MACROD2: variants seen among roughly 807,000 people sequenced by gnomAD.
The protein encoded by MACROD2 is ADP-ribose glycohydrolase MACROD2.
In MACROD2, 36 loss-of-function variants were observed where a neutral mutation model predicts 70.4. The observed-to-expected ratio is 0.51, with a 90% CI of 0.39 to 0.68. The LOEUF (loss-of-function observed/expected upper bound fraction) is 0.68. Ranked by LOEUF, MACROD2 falls within the 30% of genes least tolerant of loss-of-function variation. The probability of loss-of-function intolerance (pLI) is 0.00; values close to 1 mark genes in which losing one functional copy is unlikely to be tolerated. For missense variants in MACROD2, 496 were observed against 538.4 expected, an observed-to-expected ratio of 0.92 and a Z score of 0.78; for synonymous variants, 172 against 178.8, an observed-to-expected ratio of 0.96 and a Z score of 0.30.
intron 8 of MACROD2, among the ~76,000 whole-genome samples, chr20:15,859,428 A>G (rs2064394811): frequency 6.6e-6 from 1 of 152,188 alleles, no homozygotes; most frequent in South Asian, 2.1e-4. Context: ...CACTGTAAGA[A>G]GAGCTGTGGG....
chr20:15,649,780 A>T (rs760888294), intron 8 of MACROD2, among the ~76,000 whole-genome samples: 1 of 152,288 alleles, frequency 6.6e-6, no homozygotes, highest in African/African-American at 2.4e-5. Flanking sequence ...CTTGGAAAAA[A>T]ATCTGGGTGT....
intron 5 of MACROD2, among the ~76,000 whole-genome samples, chr20:14,952,169 G>A (rs1367066401): frequency 6.6e-6 from 1 of 152,114 alleles, no homozygotes; most frequent in Non-Finnish European, 1.5e-5. Flanking sequence ...CATGGAATTT[G>A]CATGATTTTG....
intron 3 of MACROD2, among the ~76,000 whole-genome samples, chr20:14,435,063 G>A (rs1450189801): frequency 1.3e-5 from 2 of 152,116 alleles, no homozygotes; most frequent in Non-Finnish European, 2.9e-5. Context: ...TGCAGAACTT[G>A]ATTCTCTCAA....
At chr20:14,183,663 A>G (rs546773872) in intron 3 of MACROD2, among the ~76,000 whole-genome samples, 1 of 152,266 alleles carries the variant, frequency 6.6e-6, no homozygotes, top group African/African-American at 2.4e-5. Flanking sequence ...TACAGTGTAT[A>G]AGCATTCCTT....
intron 5 of MACROD2, among the ~76,000 whole-genome samples, chr20:14,720,934 G>A (rs899158743): frequency 7.2e-5 from 11 of 152,004 alleles, no homozygotes; most frequent in African/African-American, 2.2e-4. Flanking sequence ...TAGATAAAAA[G>A]TATGTTGAAG....
intron 5 of MACROD2, among the ~76,000 whole-genome samples, chr20:15,137,528 G>A (rs2076158796): frequency 7.6e-6 from 1 of 131,940 alleles, no homozygotes. Context: ...ATGGACACAG[G>A]AAAGGGAACA....
chr20:15,891,509 G>C (rs2064889513), intron 10 of MACROD2, among the ~76,000 whole-genome samples: 3 of 152,302 alleles, frequency 2.0e-5, no homozygotes, highest in Middle Eastern at 6.8e-3. Context: ...GTAAAGAGTA[G>C]AAGCAGGGAG....
Position 15,487,234 on chromosome 20 carries a change from A to C in MACROD2, c.572-12540A>C, listed in dbSNP as rs187551056. Among the ~76,000 whole-genome samples the C allele has an allele frequency of 9.2e-5, 14 of 152,296 alleles. No homozygotes were observed. The East Asian group carries it at 2.5e-3, about 27-fold the overall frequency. On this transcript the variant is annotated intron_variant, in intron 7 of 17. Coordinates refer to ENST00000684519, the MANE Select transcript of MACROD2 (RefSeq NM_001351661.2). ...CAAAGATAAGCGAAGAATTGGGAAC[A>C]CTTATCTAATCCAGCACTCTCAGAA...
intron 5 of MACROD2, among the ~76,000 whole-genome samples, chr20:15,060,361 C>G (rs918394304): frequency 3.9e-5 from 6 of 152,174 alleles, no homozygotes; most frequent in African/African-American, 1.2e-4. Flanking sequence ...ATCTTACTCT[C>G]CTCCACCCTG....
At chr20:15,435,392 AACAC>A (rs1356743411) in intron 7 of MACROD2, among the ~76,000 whole-genome samples, 1 of 152,148 alleles carries the variant, frequency 6.6e-6, no homozygotes, top group Admixed American at 6.5e-5. Flanking sequence ...TAATAATTTA[AACAC>A]ACACACAAAA....
chr20:14,181,386 A>G (rs2081303867), intron 3 of MACROD2, among the ~76,000 whole-genome samples: 1 of 151,934 alleles, frequency 6.6e-6, no homozygotes, highest in Admixed American at 6.6e-5. Flanking sequence ...TTTCTTGACT[A>G]TATTATCCTC....
At chr20:14,447,961 T>G (rs2084201056) in intron 3 of MACROD2, among the ~76,000 whole-genome samples, 1 of 137,430 alleles carries the variant, frequency 7.3e-6, no homozygotes, top group Non-Finnish European at 1.6e-5. Flanking sequence ...GAAGAGCACT[T>G]GAGAACCCAT....
intron 9 of MACROD2, among the ~76,000 whole-genome samples, chr20:15,869,226 TATATATATATATAG>T (rs2064539877): frequency 2.0e-5 from 1 of 49,362 alleles, no homozygotes; most frequent in African/African-American, 5.6e-5. Flanking sequence ...TATATATATA[TATATATATATATAG>T]AGAGAGAGAG....
intron 3 of MACROD2, among the ~76,000 whole-genome samples, chr20:14,373,335 A>G (rs1244681390): frequency 1.3e-5 from 2 of 152,188 alleles, no homozygotes; most frequent in Non-Finnish European, 2.9e-5. Flanking sequence ...AATGTAATAC[A>G]TTTGAATTAT....
intron 8 of MACROD2, among the ~76,000 whole-genome samples, chr20:15,788,754 C>T (rs2051972947): frequency 6.6e-6 from 1 of 152,148 alleles, no homozygotes; most frequent in Non-Finnish European, 1.5e-5. Flanking sequence ...GTGACTGCTT[C>T]TCCATAAATG....
chr20:14,340,835 T>A (rs2083005756), intron 3 of MACROD2, among the ~76,000 whole-genome samples: 1 of 152,238 alleles, frequency 6.6e-6, no homozygotes, highest in African/African-American at 2.4e-5. Context: ...AAACTTGTCA[T>A]CTCAAAGGAC....
intron 6 of MACROD2, among the ~76,000 whole-genome samples, chr20:15,295,384 C>T (rs1180670529): frequency 6.6e-6 from 1 of 152,128 alleles, no homozygotes; most frequent in Non-Finnish European, 1.5e-5. Context: ...AAACACAATT[C>T]TTCCTGCCTT....
At chr20:15,051,976 C>T (rs445838) in intron 5 of MACROD2, among the ~76,000 whole-genome samples, 27,765 of 152,032 alleles carry the variant, frequency 0.18, 2,696 homozygotes, top group African/African-American at 0.21. Flanking sequence ...TGGTCTCGAC[C>T]TTTTGACCTT....
chr20:14,587,736 T>A (rs369949865), intron 4 of MACROD2, among the ~76,000 whole-genome samples: 5 of 84,886 alleles, frequency 5.9e-5, no homozygotes, highest in African/African-American at 1.5e-4. Flanking sequence ...TATCCCTGCA[T>A]TTAAAAAAAA....
Sources: gnomAD v4.1 joint callset for allele counts (sites outside exome capture counted in the v4.1 genomes callset) on GRCh38, gnomAD v4.1.1 for gene constraint, MANE v1.5 for transcripts, NCBI Gene and HGNC (gene_info 2026-07-23, HGNC 2026-07-21) for gene names.